The following DCHS2 variants were observed in gnomAD, a reference collection of about 807,000 sequenced individuals.
The protein encoded by DCHS2 is protocadherin-23.
In DCHS2, 142 loss-of-function variants were observed where a neutral mutation model predicts 182.4. The observed-to-expected ratio is 0.78, with a 90% confidence interval of 0.68 to 0.89. The LOEUF (loss-of-function observed/expected upper bound fraction) is 0.89. Ranked by LOEUF, DCHS2 falls within the 40% of genes least tolerant of loss-of-function variation. DCHS2 has a pLI of 0.00. For synonymous variants in DCHS2, 1,740 were observed against 1,663.3 expected (o/e 1.05, Z -1.12); for missense variants, 4,319 against 4,198.6 (o/e 1.03, Z -0.79).
intron 10 of DCHS2, among the ~76,000 whole-genome samples, chr4:154,308,423 A>G (rs764425183): frequency 2.0e-5 from 3 of 152,166 alleles, no homozygotes; most frequent in Non-Finnish European, 4.4e-5. Context: ...GCTGGCCATC[A>G]CGCCATTGTC....
intron 13 of DCHS2, among the ~76,000 whole-genome samples, chr4:154,278,199 T>A (rs11723058): frequency 9.2e-5 from 14 of 152,024 alleles, no homozygotes; most frequent in African/African-American, 3.4e-4. Flanking sequence ...ATTAAGGAGC[T>A]GAAGAACAAA....
At chr4:154,473,315 T>A (rs1262979050) in intron 1 of DCHS2, among the ~76,000 whole-genome samples, 2 of 152,220 alleles carry the variant, frequency 1.3e-5, no homozygotes, top group African/African-American at 4.8e-5. Flanking sequence ...GACACAGTGA[T>A]CATTCCGTTA....
chr4:154,242,163 C>T (rs1731858128), intron 17 of DCHS2, among the ~76,000 whole-genome samples: 1 of 152,150 alleles, frequency 6.6e-6, no homozygotes, highest in African/African-American at 2.4e-5. Flanking sequence ...TAGTTTCAAC[C>T]TCTACCATTA....
intron 10 of DCHS2, among the ~76,000 whole-genome samples, chr4:154,310,292 T>C (rs1735621968): frequency 6.6e-6 from 1 of 152,222 alleles, no homozygotes; most frequent in Non-Finnish European, 1.5e-5. Flanking sequence ...GATTTATTGA[T>C]AGATAAATAG....
chr4:154,425,981 G>A (rs1208960279), intron 1 of DCHS2, among the ~76,000 whole-genome samples: 2 of 152,166 alleles, frequency 1.3e-5, no homozygotes, highest in African/African-American at 4.8e-5. Flanking sequence ...AGGCTACATG[G>A]ATCCCTGGGC....
chr4:154,480,019 TTAAAA>T (rs1735859375), intron 1 of DCHS2, among the ~76,000 whole-genome samples: 1 of 152,224 alleles, frequency 6.6e-6, no homozygotes, highest in Non-Finnish European at 1.5e-5. Flanking sequence ...CCGTTCCTAC[TTAAAA>T]TAATCTATAC....
intron 5 of DCHS2, among the ~76,000 whole-genome samples, chr4:154,330,094 C>T (rs1182753953): frequency 6.6e-6 from 1 of 152,174 alleles, no homozygotes; most frequent in Non-Finnish European, 1.5e-5. Flanking sequence ...CAGGTTCTGG[C>T]TTTGGCCCCA....
At chr4:154,399,882 C>T (rs1431716990) in intron 1 of DCHS2, among the ~76,000 whole-genome samples, 4 of 152,208 alleles carry the variant, frequency 2.6e-5, no homozygotes, top group Non-Finnish European at 5.9e-5. Flanking sequence ...GGATATGCTA[C>T]GCTGCTGTGA....
chr4:154,320,340 A>G (rs1736007529), intron 9 of DCHS2, 39 bp downstream of exon 9: 1 of 1,567,930 alleles, frequency 6.4e-7, no homozygotes, highest in Non-Finnish European at 8.6e-7. Flanking sequence ...ACCACAATAA[A>G]ATAAAATATT....
intron 1 of DCHS2, among the ~76,000 whole-genome samples, chr4:154,488,323 C>T (rs1401300685): frequency 6.6e-6 from 1 of 152,048 alleles, no homozygotes; most frequent in Non-Finnish European, 1.5e-5. Flanking sequence ...AAGCAGTGTA[C>T]AGTGCCCCAT....
intron 3 of DCHS2, 101 bp downstream of exon 3, chr4:154,366,109 C>T: frequency 1.2e-6 from 1 of 815,440 alleles, no homozygotes; most frequent in South Asian, 1.7e-5. Context: ...TGCAACACCC[C>T]CATTATTGAA....
At chr4:154,237,927 C>T (rs1731612464) in intron 19 of DCHS2, among the ~76,000 whole-genome samples, 1 of 152,054 alleles carries the variant, frequency 6.6e-6, no homozygotes, top group Non-Finnish European at 1.5e-5. Flanking sequence ...TTAAACATTG[C>T]ATTTAATGTT....
intron 1 of DCHS2, among the ~76,000 whole-genome samples, chr4:154,463,502 T>C (rs2111002675): frequency 6.6e-6 from 1 of 152,254 alleles, no homozygotes; most frequent in East Asian, 1.9e-4. Context: ...ATAAAAACTG[T>C]ACGCTAACAA....
rs541095095 is a variant in DCHS2, at chr4:154,257,935, T to C, written c.6789+1610A>G. The stretch of plus-strand genomic sequence containing the variant: ...TTATATGGGTCTTTGCCTTCACTTA[T>C]TTCACACTGAGCAATTTAGCTCCAT... On this transcript the variant is annotated intron_variant, in intron 15 of 19. Coordinates refer to ENST00000357232, the MANE Select transcript of DCHS2 (RefSeq NM_001358235.2). 2.0e-5 allele frequency among the ~76,000 whole-genome samples: 3 copies of C among 152,316 alleles called. No individual in the cohort carries two copies. In the East Asian group the frequency reaches 5.8e-4, roughly 29 times the overall value.
At chr4:154,474,669 C>T (rs1177140046) in intron 1 of DCHS2, among the ~76,000 whole-genome samples, 2 of 144,570 alleles carry the variant, frequency 1.4e-5, no homozygotes, top group Non-Finnish European at 3.0e-5. Context: ...TCAGGCTCCC[C>T]GATCCCGGGC....
intron 1 of DCHS2, among the ~76,000 whole-genome samples, chr4:154,435,523 G>A (rs537713503): frequency 9.2e-5 from 14 of 151,890 alleles, no homozygotes; most frequent in African/African-American, 3.4e-4. Context: ...GTGAACCCGG[G>A]AGGCAGAGCT....
intron 1 of DCHS2, among the ~76,000 whole-genome samples, chr4:154,382,084 G>C (rs532919335): frequency 5.4e-4 from 82 of 152,170 alleles, no homozygotes; most frequent in African/African-American, 2.0e-3. Flanking sequence ...TACGAAAACA[G>C]AAACATAGAC....
In DCHS2 at chr4:154,491,113, C is replaced by T. The variant is rs1286699396; in HGVS notation, c.243G>A (p.Thr81=). 6.4e-7 allele frequency: 1 copy of T among 1,551,458 alleles called. No individual in the cohort carries two copies. Among genetic ancestry groups the T allele is most frequent in the South Asian group, 1.2e-5 (1 of 84,034 alleles). Residue 81 remains threonine (T), a synonymous_variant, in exon 1 of 20, where the codon ACG becomes ACA. Coordinates refer to ENST00000357232, the MANE Select transcript of DCHS2 (RefSeq NM_001358235.2). ...LSVDEGLPPD[T]LVGDIRAGLP... ...GCCCGGCGCGGATGTCACCTACCAG[C>T]GTGTCCGGGGGAAGCCCCTCATCTA...
chr4:154,436,696 A>G (rs1266095904), intron 1 of DCHS2, among the ~76,000 whole-genome samples: 1 of 152,182 alleles, frequency 6.6e-6, no homozygotes, highest in African/African-American at 2.4e-5. Context: ...TTTGGGCTAA[A>G]ATTTGTATAA....
Sources: gnomAD v4.1 joint callset for allele counts (sites outside exome capture counted in the v4.1 genomes callset) on GRCh38, gnomAD v4.1.1 for gene constraint, MANE v1.5 for transcripts, NCBI Gene and HGNC (gene_info 2026-07-23, HGNC 2026-07-21) for gene names.